The following NIPAL2 variants were observed in gnomAD, a reference collection of about 807,000 sequenced individuals.
NIPAL2 encodes the protein NIPA like domain containing 2, also known as NIPA-like protein 2.
A neutral mutation model predicts 48.9 loss-of-function variants in NIPAL2; 43 were observed. The ratio of observed to expected loss-of-function variants is 0.88; its 90% CI spans 0.69 to 1.13. The LOEUF (loss-of-function observed/expected upper bound fraction) is 1.13, where lower values mean the gene tolerates loss of function less well. NIPAL2 is among the 50% of genes most tolerant of loss of function. The probability of loss-of-function intolerance (pLI) is 0.00; values close to 1 mark genes in which losing one functional copy is unlikely to be tolerated. For missense variants in NIPAL2, 446 were observed against 461.4 expected (o/e 0.97, Z 0.31); for synonymous variants, 167 against 174.6 (o/e 0.96, Z 0.34).
chr8:98,280,759 T>TAGAGAGAGAGAGAGAGAG (rs765271866), intron 1 of NIPAL2, among the ~76,000 whole-genome samples: 6 of 31,286 alleles, frequency 1.9e-4, no homozygotes, highest in East Asian at 5.4e-4. Flanking sequence ...TATATATATA[T>TAGAGAGAGAGAGAGAGAG]ATAGAGAGAG....
chr8:98,236,675 A>G (rs1360542358), intron 3 of NIPAL2, among the ~76,000 whole-genome samples: 1 of 151,624 alleles, frequency 6.6e-6, no homozygotes, highest in Non-Finnish European at 1.5e-5. Flanking sequence ...ATAGTGAAAC[A>G]CCCCATCTCT....
At chr8:98,280,772 A>AGAGAGAGAGAGAGT (rs1815779693) in intron 1 of NIPAL2, among the ~76,000 whole-genome samples, 1 of 139,924 alleles carries the variant, frequency 7.1e-6, no homozygotes, top group Non-Finnish European at 1.6e-5. Flanking sequence ...AGAGAGAGAG[A>AGAGAGAGAGAGAGT]GAGAGAGAGA....
chr8:98,235,056 AAGAG>A (rs1321444505), intron 4 of NIPAL2, among the ~76,000 whole-genome samples: 1 of 152,220 alleles, frequency 6.6e-6, no homozygotes, highest in Admixed American at 6.5e-5. Context: ...GGAAAAGAAA[AAGAG>A]AAAACATTTT....
rs550092530 is a variant in NIPAL2 at position 98,268,243 on chromosome 8, AT to A, written c.136-14157del. Reference sequence around the variant, plus strand: ...ATTTCTCCTTGAATACTTATGATGCATTTTTTTTGGTAATATATGTGTGTCT... The same window carrying A: ...ATTTCTCCTTGAATACTTATGATGCATTTTTTTGGTAATATATGTGTGTCT... On this transcript the variant is annotated intron_variant, in intron 1 of 10. Coordinates refer to ENST00000430223, the MANE Select transcript of NIPAL2 (RefSeq NM_001321635.2). Among the ~76,000 whole-genome samples the A allele has an allele frequency of 1.3e-5, 2 of 152,018 alleles. 1 individual carries two copies. Among genetic ancestry groups the A allele is most frequent in the East Asian group, 3.9e-4 (2 of 5,182 alleles).
At chr8:98,269,008 A>T (rs978071127) in intron 1 of NIPAL2, among the ~76,000 whole-genome samples, 2 of 152,334 alleles carry the variant, frequency 1.3e-5, no homozygotes, top group African/African-American at 4.8e-5. Flanking sequence ...TTCTTTGCTC[A>T]TCGATAAAAA....
At chr8:98,282,894 CAGG>C (rs1052712832) in intron 1 of NIPAL2, among the ~76,000 whole-genome samples, 8 of 152,158 alleles carry the variant, frequency 5.3e-5, no homozygotes, top group African/African-American at 1.9e-4. Flanking sequence ...AATTTTCAGT[CAGG>C]AGCAGATTTT....
chr8:98,274,336 T>A (rs1212173079), intron 1 of NIPAL2, among the ~76,000 whole-genome samples: 1 of 152,018 alleles, frequency 6.6e-6, no homozygotes, highest in Non-Finnish European at 1.5e-5. Context: ...ATTGCTCAAA[T>A]CTTCAACAAT....
intron 6 of NIPAL2, 41 bp from the exon 7 acceptor site, chr8:98,205,287 C>T (rs1401116511): frequency 6.4e-7 from 1 of 1,551,016 alleles, no homozygotes; most frequent in African/African-American, 1.4e-5. Context: ...GAACATATTT[C>T]AGATTGAATT....
intron 1 of NIPAL2, among the ~76,000 whole-genome samples, chr8:98,276,327 T>C (rs780109374): frequency 1.4e-4 from 21 of 152,224 alleles, no homozygotes; most frequent in Non-Finnish European, 2.5e-4. Flanking sequence ...AAATATTATA[T>C]AGTTGGAATC....
At chr8:98,249,565 T>G (rs1813474204) in intron 3 of NIPAL2, among the ~76,000 whole-genome samples, 2 of 148,988 alleles carry the variant, frequency 1.3e-5, no homozygotes, top group South Asian at 4.2e-4. Context: ...TGAACACATA[T>G]TCAATTAATA....
chr8:98,270,746 G>T (rs1815077312), intron 1 of NIPAL2, among the ~76,000 whole-genome samples: 1 of 151,784 alleles, frequency 6.6e-6, no homozygotes, highest in African/African-American at 2.4e-5. Context: ...AATTGCTGTT[G>T]AGGACTCAGT....
chr8:98,227,569 T>C (rs1250492874), intron 4 of NIPAL2, among the ~76,000 whole-genome samples: 1 of 152,206 alleles, frequency 6.6e-6, no homozygotes, highest in Non-Finnish European at 1.5e-5. Flanking sequence ...CGGCCTGGAA[T>C]GGGGGCCTCA....
chr8:98,259,792 T>A (rs1043301473), intron 1 of NIPAL2, among the ~76,000 whole-genome samples: 2 of 152,176 alleles, frequency 1.3e-5, no homozygotes, highest in African/African-American at 2.4e-5. Flanking sequence ...CAATAGTCAA[T>A]GTCCAACCCC....
At chr8:98,253,144 T>C (rs1293038705) in intron 2 of NIPAL2, among the ~76,000 whole-genome samples, 1 of 152,122 alleles carries the variant, frequency 6.6e-6, no homozygotes, top group East Asian at 1.9e-4. Flanking sequence ...TTGTTCTATT[T>C]TATTATTAGT....
rs1476491123 is a variant in NIPAL2 at position 98,191,075 on chromosome 8, A to G, written c.*1903T>C. The G allele has an allele frequency of 6.6e-6, 1 of 152,242 alleles. No individual in the cohort carries two copies. Among genetic ancestry groups the G allele is most frequent in the Admixed American group, 6.5e-5 (1 of 15,288 alleles). The allele number at this position is 152,242 out of a possible 1,614,324, so 9.4% of individuals were successfully genotyped here. On this transcript the variant is annotated 3_prime_UTR_variant, in exon 11 of 11. Coordinates refer to ENST00000430223, the MANE Select transcript of NIPAL2 (RefSeq NM_001321635.2). ...TGTGCATAAGTCAATGTCATTTCTC[A>G]AAACGTTTAATAGATGCAACTGTTG...
At chr8:98,242,348 G>C (rs1367026914) in intron 3 of NIPAL2, among the ~76,000 whole-genome samples, 1 of 151,786 alleles carries the variant, frequency 6.6e-6, no homozygotes, top group Admixed American at 6.6e-5. Flanking sequence ...AACACGCCTG[G>C]CTAGTTTTTA....
chr8:98,259,677 G>A (rs933360257), intron 1 of NIPAL2, among the ~76,000 whole-genome samples: 2 of 152,174 alleles, frequency 1.3e-5, no homozygotes, highest in East Asian at 1.9e-4. Flanking sequence ...AGTATTGCAC[G>A]CCTCTGGTTA....
chr8:98,242,636 C>T (rs1813056273), intron 3 of NIPAL2, among the ~76,000 whole-genome samples: 1 of 152,004 alleles, frequency 6.6e-6, no homozygotes. Flanking sequence ...TAGGAGCCCA[C>T]CACTATGCCC....
At chr8:98,221,584 T>C (rs1296108592) in intron 5 of NIPAL2, among the ~76,000 whole-genome samples, 1 of 152,130 alleles carries the variant, frequency 6.6e-6, no homozygotes, top group Non-Finnish European at 1.5e-5. Flanking sequence ...CTGGGATACA[T>C]GTGCAGAATG....
Sources: allele counts gnomAD v4.1 joint callset (sites outside exome capture counted in the v4.1 genomes callset), GRCh38; gene constraint gnomAD v4.1.1; transcripts MANE v1.5; gene names NCBI Gene and HGNC (gene_info 2026-07-23, HGNC 2026-07-21).